SNX24: variants seen among roughly 807,000 people sequenced by gnomAD.
SNX24 encodes sorting nexin-24.
A neutral mutation model predicts 28.7 loss-of-function variants in SNX24; 22 were observed. The ratio of observed to expected loss-of-function variants is 0.77; its 90% CI spans 0.55 to 1.10. SNX24 has a LOEUF of 1.10. Ranked by LOEUF, SNX24 falls within the 50% of genes least tolerant of loss-of-function variation. The probability of loss-of-function intolerance (pLI) is 0.00; values close to 1 mark genes in which losing one functional copy is unlikely to be tolerated. For missense variants in SNX24, 221 were observed against 201.1 expected (o/e 1.10, Z -0.60); for synonymous variants, 69 against 71.5 (o/e 0.96, Z 0.18).
At chr5:122,952,228 CT>C (rs1261614081) in intron 3 of SNX24, among the ~76,000 whole-genome samples, 1 of 152,134 alleles carries the variant, frequency 6.6e-6, no homozygotes, top group East Asian at 1.9e-4. Flanking sequence ...CAAATAAGGG[CT>C]ATCCAAGCAA....
chr5:122,972,057 G>A (rs1760982664), intron 3 of SNX24, among the ~76,000 whole-genome samples: 1 of 152,196 alleles, frequency 6.6e-6, no homozygotes, highest in Non-Finnish European at 1.5e-5. Context: ...TTTCTCCATT[G>A]TGGAGTAGTA....
intron 1 of SNX24, among the ~76,000 whole-genome samples, chr5:122,867,029 T>C (rs927447103): frequency 6.6e-6 from 1 of 152,188 alleles, no homozygotes; most frequent in Non-Finnish European, 1.5e-5. Context: ...TTCCTGGACC[T>C]ATCAATCCTG....
At chr5:122,994,420 G>C (rs1315395921) in intron 3 of SNX24, among the ~76,000 whole-genome samples, 2 of 152,112 alleles carry the variant, frequency 1.3e-5, no homozygotes, top group Non-Finnish European at 2.9e-5. Context: ...CGAAGGTTAG[G>C]GCAGAACAAG....
intron 3 of SNX24, among the ~76,000 whole-genome samples, chr5:122,957,237 C>T (rs1760253040): frequency 6.6e-6 from 1 of 152,170 alleles, no homozygotes; most frequent in African/African-American, 2.4e-5. Context: ...TGCATGTGGA[C>T]ATCCAGTTTT....
chr5:122,975,339 CTTTT>C (rs1761122129), intron 3 of SNX24, among the ~76,000 whole-genome samples: 1 of 151,626 alleles, frequency 6.6e-6, no homozygotes, highest in African/African-American at 2.4e-5. Context: ...TTTAATCCTT[CTTTT>C]TGTTTGCTGA....
chr5:123,000,667 C>T (rs1036678652), intron 4 of SNX24, among the ~76,000 whole-genome samples: 2 of 152,176 alleles, frequency 1.3e-5, no homozygotes, highest in Admixed American at 6.5e-5. Flanking sequence ...GAAAAGCTCT[C>T]CCGAAGAATT....
At chr5:122,854,340 C>G (rs1479344864) in intron 1 of SNX24, among the ~76,000 whole-genome samples, 2 of 152,122 alleles carry the variant, frequency 1.3e-5, no homozygotes, top group East Asian at 3.9e-4. Flanking sequence ...AACCCTGTCT[C>G]TACTAAAAAT....
At chr5:122,917,365 A>G (rs1017244696) in intron 1 of SNX24, among the ~76,000 whole-genome samples, 1 of 152,200 alleles carries the variant, frequency 6.6e-6, no homozygotes, top group Non-Finnish European at 1.5e-5. Context: ...TCCATGGAAA[A>G]TACTCTATCT....
intron 1 of SNX24, among the ~76,000 whole-genome samples, chr5:122,911,625 C>A (rs1757893518): frequency 1.0e-4 from 15 of 145,136 alleles, no homozygotes; most frequent in South Asian, 2.3e-4. Context: ...AGTCTTTAAT[C>A]CATCTTGAAT....
chr5:122,914,124 G>C (rs969908698), intron 1 of SNX24, among the ~76,000 whole-genome samples: 1 of 152,080 alleles, frequency 6.6e-6, no homozygotes, highest in Non-Finnish European at 1.5e-5. Flanking sequence ...GGGAGACCGT[G>C]GGGAGAGGGA....
intron 6 of SNX24, 133 bp from the exon 7 acceptor site, chr5:123,007,549 T>C: frequency 1.2e-6 from 1 of 818,214 alleles, no homozygotes. Context: ...ACCAGGCACA[T>C]GCCTGGCGAT....
intron 3 of SNX24, among the ~76,000 whole-genome samples, chr5:122,984,885 C>T (rs1388681686): frequency 6.6e-6 from 1 of 151,996 alleles, no homozygotes; most frequent in African/African-American, 2.4e-5. Context: ...CTGCTTTTTT[C>T]CTTATGCATT....
intron 1 of SNX24, among the ~76,000 whole-genome samples, chr5:122,920,328 TAGGGTTTTCCTGCCTTG>T (rs1316871599): frequency 5.3e-5 from 8 of 152,164 alleles, no homozygotes; most frequent in Non-Finnish European, 8.8e-5. Flanking sequence ...AGGTAGAGGA[TAGGGTTTTCCTGCCTTG>T]AGAAGTGAAT....
intron 5 of SNX24, chr5:123,023,781 A>C: frequency 7.1e-7 from 1 of 1,402,062 alleles, no homozygotes; most frequent in Non-Finnish European, 9.4e-7. Context: ...GTAAAAAAAA[A>C]AAAGCAAATA....
At chr5:122,978,291 C>T (rs1761250858) in intron 3 of SNX24, among the ~76,000 whole-genome samples, 1 of 152,140 alleles carries the variant, frequency 6.6e-6, no homozygotes, top group Non-Finnish European at 1.5e-5. Flanking sequence ...TAATAGTTAT[C>T]TGGAAAAGTA....
At chr5:122,950,114 T>C (rs1179476909) in intron 3 of SNX24, among the ~76,000 whole-genome samples, 1 of 152,188 alleles carries the variant, frequency 6.6e-6, no homozygotes, top group Non-Finnish European at 1.5e-5. Flanking sequence ...TAGAATTAAG[T>C]ATAACAGTAC....
chr5:123,019,061 A>G (rs1320913719), intron 5 of SNX24, among the ~76,000 whole-genome samples: 1 of 152,076 alleles, frequency 6.6e-6, no homozygotes, highest in Non-Finnish European at 1.5e-5. Flanking sequence ...GATTCCTGGG[A>G]CTAGTCACTC....
intron 5 of SNX24, among the ~76,000 whole-genome samples, chr5:123,016,469 A>G (rs920763323): frequency 3.3e-5 from 5 of 152,214 alleles, no homozygotes; most frequent in African/African-American, 1.2e-4. Context: ...TGAGGTGGGC[A>G]AACTATGCAA....
chr5:122,912,738 T>C (rs1757946123), intron 1 of SNX24, among the ~76,000 whole-genome samples: 1 of 152,024 alleles, frequency 6.6e-6, no homozygotes, highest in Middle Eastern at 3.4e-3. Flanking sequence ...ATGTGGGTTT[T>C]TTTTTTTTTT....
Sources: gnomAD v4.1 joint callset for allele counts (sites outside exome capture counted in the v4.1 genomes callset) on GRCh38, gnomAD v4.1.1 for gene constraint, MANE v1.5 for transcripts, NCBI Gene and HGNC (gene_info 2026-07-23, HGNC 2026-07-21) for gene names.